The following BACH2 variants were observed in gnomAD, a reference collection of about 807,000 sequenced individuals.
The protein encoded by BACH2 is BACH transcriptional regulator 2, also known as transcription regulator protein BACH2.
In BACH2, 5 loss-of-function variants were observed where a neutral mutation model predicts 61.8. That is an observed-to-expected ratio of 0.08 (90% CI 0.04 to 0.17). The LOEUF (loss-of-function observed/expected upper bound fraction) is 0.17. BACH2 is among the 10% of genes least tolerant of loss of function. The probability of loss-of-function intolerance (pLI) is 1.00; values close to 1 mark genes in which losing one functional copy is unlikely to be tolerated. For missense variants in BACH2, 824 were observed against 1,091.1 expected (o/e 0.76, Z 3.45); for synonymous variants, 446 against 440.1 (o/e 1.01, Z -0.17).
intron 5 of BACH2, among the ~76,000 whole-genome samples, chr6:90,078,800 A>C (rs1781588990): frequency 6.6e-6 from 1 of 152,182 alleles, no homozygotes; most frequent in Non-Finnish European, 1.5e-5. Context: ...CAAGTAGCTA[A>C]GCTAAGATTT....
intron 8 of BACH2, among the ~76,000 whole-genome samples, chr6:89,934,990 T>C (rs1448563259): frequency 1.3e-5 from 2 of 152,176 alleles, no homozygotes; most frequent in Non-Finnish European, 2.9e-5. Context: ...TATTTATAAA[T>C]TTATCAAGAA....
Position 90,296,561 on chromosome 6 carries a change from A to C in BACH2, c.-527T>G, listed in dbSNP as rs1772401294. On this transcript the variant is annotated 5_prime_UTR_variant, in exon 1 of 9. Coordinates refer to ENST00000257749, the MANE Select transcript of BACH2 (RefSeq NM_021813.4). ...CGCAGCCCCCTCCCGGCAGCCGGCG[A>C]GGTGGGCAGTTCGTGGGTCACCGAA... The C allele has an allele frequency of 3.3e-5, 5 of 151,292 alleles. No homozygotes were observed. The South Asian group carries it at 8.3e-4, about 25-fold the overall frequency. 9.4% of individuals were successfully genotyped at this position (151,292 alleles called of 1,614,324 possible). A position where few individuals can be genotyped will look rare whatever the true frequency, so the allele number is the denominator to read the frequency against.
At position 89,950,984 on chromosome 6, in the gene BACH2, C is replaced by G. The variant is rs759765145; in HGVS notation, c.1122G>C (p.Lys374Asn). The G allele has an allele frequency of 4.2e-5, 67 of 1,578,410 alleles. No homozygotes were observed. Among genetic ancestry groups the G allele is most frequent in the Admixed American group, 1.3e-4 (7 of 55,612 alleles). ...FARSPACPFDKGITQGDLKTD... is the reference protein window; with the variant it reads ...FARSPACPFDNGITQGDLKTD... ...TTTTAAGGTCACCCTGAGTGATCCC[C>G]TTGTCAAAAGGGCAGGCTGGACTCC... Residue 374 changes from lysine to asparagine, a missense_variant, in exon 7 of 9, where the codon AAG (lysine) becomes AAC (asparagine). Around this residue, in one of 8 missense-constraint regions of BACH2, gnomAD observed 226 missense variants for 228.5 expected, o/e 0.99. Coordinates refer to ENST00000257749, the MANE Select transcript of BACH2 (RefSeq NM_021813.4). This position sits in a 1 kb window ranked among gnomAD's most constrained non-coding sequence, Gnocchi z 5.3.
At chr6:90,126,193 C>T (rs931178915) in intron 4 of BACH2, among the ~76,000 whole-genome samples, 2 of 152,210 alleles carry the variant, frequency 1.3e-5, no homozygotes, top group Non-Finnish European at 2.9e-5. Context: ...CTTTATAGAA[C>T]AGGTTCTATG....
chr6:90,252,466 T>C (rs535817981), intron 3 of BACH2, 47 bp downstream of exon 3: 45 of 152,292 alleles, frequency 3.0e-4, no homozygotes, highest in African/African-American at 9.9e-4. Context: ...AAAATTTAAA[T>C]TTCCTGCTAA....
At chr6:90,078,249 C>G (rs892253641) in intron 5 of BACH2, among the ~76,000 whole-genome samples, 1 of 152,114 alleles carries the variant, frequency 6.6e-6, no homozygotes. Flanking sequence ...TTAGCACTCT[C>G]TTTCATAACG....
At chr6:90,062,531 A>G (rs1780737427) in intron 5 of BACH2, among the ~76,000 whole-genome samples, 1 of 152,194 alleles carries the variant, frequency 6.6e-6, no homozygotes, top group African/African-American at 2.4e-5. Context: ...TGCTGTCACA[A>G]TGCCACGTAT....
At chr6:90,059,380 A>G (rs1780556682) in intron 5 of BACH2, among the ~76,000 whole-genome samples, 1 of 152,266 alleles carries the variant, frequency 6.6e-6, no homozygotes, top group Admixed American at 6.5e-5. Context: ...AAAAATGCTC[A>G]TCATCACTGG....
At chr6:90,016,950 T>C (rs1299428575) in intron 5 of BACH2, among the ~76,000 whole-genome samples, 1 of 152,184 alleles carries the variant, frequency 6.6e-6, no homozygotes. Context: ...CCTTTAGGAC[T>C]TTTTCTTGAT....
intron 4 of BACH2, among the ~76,000 whole-genome samples, chr6:90,136,264 A>G (rs1202833055): frequency 1.3e-5 from 2 of 152,192 alleles, no homozygotes; most frequent in African/African-American, 2.4e-5. Context: ...GGTCAGTTCT[A>G]TTATGGATAA....
chr6:89,985,407 C>T (rs907776623), intron 6 of BACH2, among the ~76,000 whole-genome samples: 4 of 152,156 alleles, frequency 2.6e-5, no homozygotes, highest in African/African-American at 9.7e-5. Flanking sequence ...GCCATCTCCT[C>T]TCTGTCTAGT....
chr6:90,095,234 T>A (rs1782334058), intron 4 of BACH2, among the ~76,000 whole-genome samples: 1 of 152,156 alleles, frequency 6.6e-6, no homozygotes, highest in South Asian at 2.1e-4. Context: ...TGAAGTTTTT[T>A]TTTTTTTTAA....
intron 6 of BACH2, among the ~76,000 whole-genome samples, chr6:89,997,005 GCACACACACA>G (rs60037899): frequency 6.7e-6 from 1 of 149,518 alleles, no homozygotes; most frequent in Non-Finnish European, 1.5e-5. Context: ...ATGCACACGG[GCACACACACA>G]CACACACACA....
At chr6:90,272,676 C>A (rs1640582802) in intron 1 of BACH2, among the ~76,000 whole-genome samples, 1 of 152,180 alleles carries the variant, frequency 6.6e-6, no homozygotes, top group East Asian at 1.9e-4. Flanking sequence ...CATTTTTGCT[C>A]ATTCCCTCTT....
At chr6:90,279,502 G>A (rs999748846) in intron 1 of BACH2, among the ~76,000 whole-genome samples, 18 of 136,132 alleles carry the variant, frequency 1.3e-4, no homozygotes, top group African/African-American at 2.3e-4. Context: ...CAGCCTGGGC[G>A]ACAGAGCGAG....
chr6:90,135,335 T>C (rs993844600), intron 4 of BACH2, among the ~76,000 whole-genome samples: 9 of 152,208 alleles, frequency 5.9e-5, no homozygotes, highest in African/African-American at 2.2e-4. Context: ...GACTTTAGAT[T>C]ATGATGCTTC....
intron 3 of BACH2, among the ~76,000 whole-genome samples, chr6:90,233,599 G>C (rs1189693012): frequency 6.6e-6 from 1 of 152,130 alleles, no homozygotes; most frequent in Non-Finnish European, 1.5e-5. Context: ...GTCCCTTTTG[G>C]GGTTTATGTG....
At chr6:90,234,608 G>T (rs1370414406) in intron 3 of BACH2, among the ~76,000 whole-genome samples, 18 of 152,168 alleles carry the variant, frequency 1.2e-4, no homozygotes, top group Non-Finnish European at 5.9e-5. Context: ...GAACTAAACT[G>T]TTTATACAAC....
intron 3 of BACH2, among the ~76,000 whole-genome samples, chr6:90,226,423 T>C (rs1249196522): frequency 1.3e-5 from 2 of 152,114 alleles, no homozygotes; most frequent in Non-Finnish European, 2.9e-5. Context: ...CAATTTGTAG[T>C]GTTTGATTTC....
Sources: gnomAD v4.1 joint callset for allele counts (sites outside exome capture counted in the v4.1 genomes callset) on GRCh38, gnomAD v4.1.1 for gene constraint, gnomAD v4.1.1 regional missense constraint, Gnocchi (gnomAD v3.1) non-coding constraint, MANE v1.5 for transcripts, NCBI Gene and HGNC (gene_info 2026-07-23, HGNC 2026-07-21) for gene names.